The following NTM variants were observed in gnomAD, a reference collection of about 807,000 sequenced individuals.
NTM encodes the protein neurotrimin.
In NTM, 13 loss-of-function variants were observed where a neutral mutation model predicts 42.1. The ratio of observed to expected loss-of-function variants is 0.31; its 90% CI spans 0.20 to 0.49. The LOEUF (loss-of-function observed/expected upper bound fraction) is 0.49. Ranked by LOEUF, NTM falls within the 20% of genes least tolerant of loss-of-function variation. The pLI is 0.99. For missense variants in NTM, 373 were observed against 452.8 expected (o/e 0.82, Z 1.60); for synonymous variants, 187 against 179.2 (o/e 1.04, Z -0.35).
intron 1 of NTM, among the ~76,000 whole-genome samples, chr11:131,729,143 G>C (rs1284757971): frequency 1.3e-5 from 2 of 152,146 alleles, no homozygotes; most frequent in Non-Finnish European, 2.9e-5. Flanking sequence ...TCTCTGTCCT[G>C]AGTTTTTTTT....
chr11:131,719,818 A>G (rs535689714), intron 1 of NTM, among the ~76,000 whole-genome samples: 1 of 152,344 alleles, frequency 6.6e-6, no homozygotes, highest in South Asian at 2.1e-4. Context: ...TCTAAGTGGA[A>G]AAGTAACAAC....
At chr11:131,522,915 C>A (rs1197157346) in intron 1 of NTM, among the ~76,000 whole-genome samples, 17 of 152,196 alleles carry the variant, frequency 1.1e-4, no homozygotes, top group Admixed American at 1.1e-3. Flanking sequence ...GAGGTGACGA[C>A]CAAGCATTAG....
At chr11:132,208,223 C>A (rs1191091538) in intron 3 of NTM, among the ~76,000 whole-genome samples, 1 of 152,210 alleles carries the variant, frequency 6.6e-6, no homozygotes, top group Non-Finnish European at 1.5e-5. Flanking sequence ...AACCACAGTG[C>A]ACCCTAATCA....
intron 1 of NTM, among the ~76,000 whole-genome samples, chr11:131,472,265 C>A (rs570427837): frequency 4.6e-5 from 7 of 152,156 alleles, no homozygotes; most frequent in South Asian, 2.1e-4. Context: ...TGTCAGCCCC[C>A]ACTCTCTGGA....
At chr11:131,891,689 T>A (rs1211485969) in intron 1 of NTM, among the ~76,000 whole-genome samples, 1 of 152,286 alleles carries the variant, frequency 6.6e-6, no homozygotes, top group East Asian at 1.9e-4. Flanking sequence ...AGCCTGGCAG[T>A]GTCTATAAAT....
rs373966285 is a variant in NTM, at chr11:132,302,170, C to T, written c.527-5519C>T. ...GTGTGATCACATATCCAGCTTGCTTCATTTCCCTGCTTCGGTTGTCGTATT... is the reference window on the plus strand; with the variant it reads ...GTGTGATCACATATCCAGCTTGCTTTATTTCCCTGCTTCGGTTGTCGTATT... On this transcript the variant is annotated intron_variant, in intron 4 of 8. Coordinates refer to ENST00000683400, the MANE Select transcript of NTM (RefSeq NM_001352005.2). Among the ~76,000 whole-genome samples, 29 of 152,284 alleles carry T rather than the reference C, an allele frequency of 1.9e-4. No homozygotes were observed. The East Asian group carries it at 2.5e-3, about 13-fold the overall frequency.
chr11:131,516,560 C>T (rs1418894407), intron 1 of NTM, among the ~76,000 whole-genome samples: 3 of 152,172 alleles, frequency 2.0e-5, no homozygotes, highest in Non-Finnish European at 2.9e-5. Flanking sequence ...CTAGCAGAGA[C>T]GGGGTTTCAC....
intron 2 of NTM, among the ~76,000 whole-genome samples, chr11:132,139,761 G>A (rs952068403): frequency 6.6e-6 from 1 of 152,162 alleles, no homozygotes; most frequent in African/African-American, 2.4e-5. Flanking sequence ...GCCTTTATTG[G>A]ATGCAGGCCT....
intron 4 of NTM, among the ~76,000 whole-genome samples, chr11:132,287,469 T>G (rs2094289887): frequency 6.6e-6 from 1 of 152,156 alleles, no homozygotes; most frequent in South Asian, 2.1e-4. Context: ...CAGAGGACCC[T>G]AGAGCTGCAT....
intron 1 of NTM, among the ~76,000 whole-genome samples, chr11:131,408,149 C>T (rs967594867): frequency 1.6e-4 from 24 of 152,208 alleles, no homozygotes; most frequent in Non-Finnish European, 1.5e-5. Flanking sequence ...CTGGGTCACT[C>T]AGTTGTTCTG....
intron 1 of NTM, among the ~76,000 whole-genome samples, chr11:131,750,036 G>C (rs931595778): frequency 6.6e-6 from 1 of 152,184 alleles, no homozygotes; most frequent in Non-Finnish European, 1.5e-5. Context: ...TGGGCATGCT[G>C]TCTGGGAACC....
intron 1 of NTM, among the ~76,000 whole-genome samples, chr11:131,526,855 C>T (rs927785757): frequency 4.6e-5 from 7 of 152,166 alleles, no homozygotes; most frequent in South Asian, 2.1e-4. Flanking sequence ...CAAAAGACTG[C>T]TGCCAAAGTG....
At chr11:131,397,750 G>GCCC (rs1313429542) in intron 1 of NTM, among the ~76,000 whole-genome samples, 4 of 152,108 alleles carry the variant, frequency 2.6e-5, no homozygotes, top group Non-Finnish European at 5.9e-5. Flanking sequence ...CTATAAGAAA[G>GCCC]CCCACCAGCC....
intron 4 of NTM, among the ~76,000 whole-genome samples, chr11:132,285,592 C>A (rs531561721): frequency 1.3e-5 from 2 of 152,124 alleles, no homozygotes; most frequent in Non-Finnish European, 2.9e-5. Flanking sequence ...TCTCGGGCAC[C>A]ACCCATTACA....
At chr11:132,086,021 T>C (rs1368217257) in intron 2 of NTM, among the ~76,000 whole-genome samples, 1 of 152,122 alleles carries the variant, frequency 6.6e-6, no homozygotes, top group Non-Finnish European at 1.5e-5. Context: ...CTTTCATACA[T>C]GCATTAAGAG....
chr11:131,606,574 C>T lies in NTM; in HGVS notation c.82+235686C>T, dbSNP rs568518996. Among the ~76,000 whole-genome samples, 6 of 152,224 alleles carry T rather than the reference C, an allele frequency of 3.9e-5. No individual in the cohort carries two copies. The East Asian group carries it at 5.8e-4, about 15-fold the overall frequency. ...TTGGAAAATAGTAGAAAAACTTTTA[C>T]GATGGAGGATTTCAGTGGCCAAGAC... On this transcript the variant is annotated intron_variant, in intron 1 of 8. Transcript: ENST00000683400.
chr11:132,019,218 T>G (rs914985254), intron 2 of NTM, among the ~76,000 whole-genome samples: 1 of 152,030 alleles, frequency 6.6e-6, no homozygotes, highest in East Asian at 1.9e-4. Flanking sequence ...AATTTAGTTT[T>G]CTATTCCAGT....
chr11:132,127,196 T>C (rs1312503498), intron 2 of NTM, among the ~76,000 whole-genome samples: 1 of 152,086 alleles, frequency 6.6e-6, no homozygotes, highest in African/African-American at 2.4e-5. Context: ...GGGAGCTCGT[T>C]CCAGAAAAAC....
In NTM at chr11:131,930,430, C is replaced by T. The variant is rs117159481; in HGVS notation, c.167+18782C>T. On this transcript the variant is annotated intron_variant, in intron 2 of 8. Coordinates refer to ENST00000683400, the MANE Select transcript of NTM (RefSeq NM_001352005.2). Reference sequence around the variant, plus strand: ...CGGCAAATGTTTAATGAAATGCTTCCTCGAGGAGCACAATATTTTATGTGT... The same window carrying T: ...CGGCAAATGTTTAATGAAATGCTTCTTCGAGGAGCACAATATTTTATGTGT... Among the ~76,000 whole-genome samples the T allele has an allele frequency of 5.2e-3, 799 of 152,284 alleles. 6 individuals are homozygous for T. Among genetic ancestry groups the T allele is most frequent in the South Asian group, 0.02 (96 of 4,820 alleles).
Sources: allele counts gnomAD v4.1 joint callset (sites outside exome capture counted in the v4.1 genomes callset), GRCh38; gene constraint gnomAD v4.1.1; transcripts MANE v1.5; gene names NCBI Gene and HGNC (gene_info 2026-07-23, HGNC 2026-07-21).